Variants in DENND1A observed in about 807,000 individuals in gnomAD.
DENND1A encodes the protein DENN domain-containing protein 1A.
DENND1A carries 51 observed loss-of-function variants against 113.7 expected under a neutral mutation model. That is an observed-to-expected ratio of 0.45 (90% CI 0.36 to 0.57). DENND1A has a LOEUF of 0.57. DENND1A is among the 20% of genes least tolerant of loss of function. DENND1A has a pLI of 0.00. For missense variants in DENND1A, 1,258 were observed against 1,395.9 expected (o/e 0.90, Z 1.57); for synonymous variants, 565 against 570.8 (o/e 0.99, Z 0.14).
intron 5 of DENND1A, among the ~76,000 whole-genome samples, chr9:123,699,261 A>C (rs1317946117): frequency 3.3e-5 from 5 of 152,238 alleles, no homozygotes; most frequent in African/African-American, 1.2e-4. Context: ...TTCATGACTT[A>C]GTATCATATG....
chr9:123,922,378 C>A (rs1856418954), intron 1 of DENND1A, among the ~76,000 whole-genome samples: 1 of 152,168 alleles, frequency 6.6e-6, no homozygotes, highest in Non-Finnish European at 1.5e-5. Context: ...GAGCATACAT[C>A]TGATAAATAT....
At chr9:123,465,517 T>G (rs2048876018) in intron 13 of DENND1A, among the ~76,000 whole-genome samples, 1 of 152,170 alleles carries the variant, frequency 6.6e-6, no homozygotes, top group Non-Finnish European at 1.5e-5. Flanking sequence ...AATTATACAA[T>G]GCCAACCTAC....
At chr9:123,582,622 C>T (rs1489574891) in intron 12 of DENND1A, among the ~76,000 whole-genome samples, 1 of 151,882 alleles carries the variant, frequency 6.6e-6, no homozygotes, top group Non-Finnish European at 1.5e-5. Context: ...GATGGTCTCA[C>T]TTTCCTGACC....
At chr9:123,698,650 G>A (rs1001068563) in intron 5 of DENND1A, among the ~76,000 whole-genome samples, 9 of 152,164 alleles carry the variant, frequency 5.9e-5, no homozygotes, top group Admixed American at 2.0e-4. Flanking sequence ...CCACCAAATA[G>A]TCAGCTCTAC....
rs1250088208 is a variant in DENND1A, at chr9:123,534,903, T to TC, written c.993+22666dup. On this transcript the variant is annotated intron_variant, in intron 13 of 23. Coordinates refer to ENST00000394215, the MANE Select transcript of DENND1A (RefSeq NM_001352964.2). ...ATTATCTTCCTGTCTGTGGCTTTTT[T>TC]CCCCCCCTTCACTTGCTTTATAGTG... Among the ~76,000 whole-genome samples the TC allele has an allele frequency of 4.6e-5, 7 of 152,268 alleles. No individual in the cohort carries two copies. In the South Asian group the frequency reaches 6.2e-4, roughly 14 times the overall value.
At chr9:123,893,110 A>T (rs1230699) in intron 1 of DENND1A, among the ~76,000 whole-genome samples, 13,153 of 128,252 alleles carry the variant, frequency 0.1, 923 homozygotes, top group African/African-American at 0.28. Context: ...ATATGTTTTT[A>T]AAAAAAAAAA....
chr9:123,686,640 A>G (rs2064828624), intron 5 of DENND1A, among the ~76,000 whole-genome samples: 5 of 152,224 alleles, frequency 3.3e-5, no homozygotes, highest in Admixed American at 3.3e-4. Flanking sequence ...GCTCAATTTA[A>G]AATGTTTTAA....
intron 19 of DENND1A, among the ~76,000 whole-genome samples, chr9:123,417,748 G>A (rs908196646): frequency 1.3e-5 from 2 of 152,148 alleles, no homozygotes; most frequent in Non-Finnish European, 2.9e-5. Context: ...GCTTTCCAAA[G>A]GAGGCACCTG....
intron 13 of DENND1A, among the ~76,000 whole-genome samples, chr9:123,525,385 T>G (rs1385973564): frequency 6.6e-6 from 1 of 152,178 alleles, no homozygotes; most frequent in Non-Finnish European, 1.5e-5. Flanking sequence ...AATCCCAGCC[T>G]CTTTTTTCGA....
chr9:123,465,497 C>T (rs375594600), intron 13 of DENND1A, among the ~76,000 whole-genome samples: 2 of 152,074 alleles, frequency 1.3e-5, no homozygotes, highest in South Asian at 4.2e-4. Context: ...TGTCCCTCCT[C>T]GTCTGTGACA....
intron 5 of DENND1A, among the ~76,000 whole-genome samples, chr9:123,722,749 C>T (rs1193163391): frequency 6.6e-6 from 1 of 152,226 alleles, no homozygotes; most frequent in Non-Finnish European, 1.5e-5. Flanking sequence ...AAACCTCTGC[C>T]TAGATTTCAG....
intron 1 of DENND1A, among the ~76,000 whole-genome samples, chr9:123,905,044 A>G (rs1006041977): frequency 1.3e-5 from 2 of 152,108 alleles, no homozygotes; most frequent in Non-Finnish European, 2.9e-5. Context: ...GAGAGTGGGG[A>G]CCAATATTCA....
chr9:123,801,357 T>G (rs1834636566), intron 2 of DENND1A, among the ~76,000 whole-genome samples: 1 of 152,202 alleles, frequency 6.6e-6, no homozygotes, highest in Non-Finnish European at 1.5e-5. Context: ...ACCAATCTAC[T>G]TTCTGTCTCT....
intron 2 of DENND1A, among the ~76,000 whole-genome samples, chr9:123,800,545 G>T (rs981641654): frequency 6.6e-6 from 1 of 152,064 alleles, no homozygotes; most frequent in African/African-American, 2.4e-5. Context: ...TTTTCTTTTT[G>T]GCTTTATTTA....
intron 13 of DENND1A, among the ~76,000 whole-genome samples, chr9:123,551,607 G>C (rs1217501472): frequency 1.3e-5 from 2 of 152,214 alleles, no homozygotes; most frequent in African/African-American, 2.4e-5. Context: ...GAATTACTGA[G>C]AGCACGGATG....
intron 19 of DENND1A, among the ~76,000 whole-genome samples, chr9:123,427,884 G>A (rs757902472): frequency 6.6e-6 from 1 of 152,218 alleles, no homozygotes; most frequent in Non-Finnish European, 1.5e-5. Flanking sequence ...ACTAGGAAGT[G>A]ACAGTCACTT....
intron 13 of DENND1A, among the ~76,000 whole-genome samples, chr9:123,463,982 T>C (rs1262305381): frequency 2.0e-5 from 3 of 151,890 alleles, no homozygotes; most frequent in Non-Finnish European, 2.9e-5. Context: ...GCTTCATACC[T>C]AGGTGATGGG....
intron 9 of DENND1A, among the ~76,000 whole-genome samples, chr9:123,632,281 G>A (rs1180031428): frequency 6.6e-6 from 1 of 151,674 alleles, no homozygotes; most frequent in Non-Finnish European, 1.5e-5. Context: ...AGGCACCCAA[G>A]AACAGTTCCC....
At chr9:123,892,470 G>T (rs2133784330) in intron 1 of DENND1A, among the ~76,000 whole-genome samples, 1 of 152,276 alleles carries the variant, frequency 6.6e-6, no homozygotes, top group East Asian at 1.9e-4. Flanking sequence ...AGGCAACAAA[G>T]TGCAGCAATG....
Sources: gnomAD v4.1 joint callset for allele counts (sites outside exome capture counted in the v4.1 genomes callset) on GRCh38, gnomAD v4.1.1 for gene constraint, MANE v1.5 for transcripts, NCBI Gene and HGNC (gene_info 2026-07-23, HGNC 2026-07-21) for gene names.